Variants in SLCO3A1 observed in about 807,000 individuals in gnomAD.
The protein encoded by SLCO3A1 is PGE1 transporter.
SLCO3A1 carries 27 observed loss-of-function variants against 63.1 expected under a neutral mutation model. The observed-to-expected ratio is 0.43, with a 90% CI of 0.32 to 0.59. The LOEUF is 0.59. Among genes scored for constraint, SLCO3A1 ranks in the 20% least tolerant of loss-of-function variants. The probability of loss-of-function intolerance (pLI) is 0.09; values close to 1 mark genes in which losing one functional copy is unlikely to be tolerated. For synonymous variants in SLCO3A1, 473 were observed against 409.9 expected (o/e 1.15, Z -1.86); for missense variants, 773 against 945.8 (o/e 0.82, Z 2.40).
At chr15:92,134,957 A>G (rs776294225) in intron 7 of SLCO3A1, among the ~76,000 whole-genome samples, 7 of 151,354 alleles carry the variant, frequency 4.6e-5, no homozygotes, top group Non-Finnish European at 7.4e-5. Context: ...ATCTCTGAAA[A>G]GATGTAAAAA....
At chr15:92,078,099 G>C (rs1282303101) in intron 2 of SLCO3A1, among the ~76,000 whole-genome samples, 1 of 152,194 alleles carries the variant, frequency 6.6e-6, no homozygotes, top group Non-Finnish European at 1.5e-5. Flanking sequence ...CATTATTCAT[G>C]GCATCAACAG....
chr15:91,939,950 C>A (rs182473546), intron 2 of SLCO3A1, among the ~76,000 whole-genome samples: 6 of 152,170 alleles, frequency 3.9e-5, no homozygotes, highest in African/African-American at 1.4e-4. Flanking sequence ...GGTCACATAG[C>A]TAGAAAGTAG....
intron 1 of SLCO3A1, among the ~76,000 whole-genome samples, chr15:91,874,561 G>A (rs1487450086): frequency 6.6e-6 from 1 of 152,210 alleles, no homozygotes; most frequent in Non-Finnish European, 1.5e-5. Context: ...CAAGTTGGGG[G>A]CTGGGTCAGA....
At chr15:91,921,433 C>G (rs1365236736) in intron 2 of SLCO3A1, among the ~76,000 whole-genome samples, 2 of 151,886 alleles carry the variant, frequency 1.3e-5, no homozygotes, top group Non-Finnish European at 2.9e-5. Context: ...ATAACAGACA[C>G]CAAAGAGATT....
rs185417165 is a variant in SLCO3A1, at chr15:92,097,000, C to T, written c.745+2021C>T. 4.0e-3 allele frequency among the ~76,000 whole-genome samples: 607 copies of T among 152,228 alleles called. 4 individuals carry two copies. The highest frequency in any genetic ancestry group is 0.014 in the African/African-American group (563 of 41,536). On this transcript the variant is annotated intron_variant, in intron 3 of 9. Coordinates refer to ENST00000318445, the MANE Select transcript of SLCO3A1 (RefSeq NM_013272.4). Reference sequence around the variant, plus strand: ...CTCGTATAGACAGGCCAGCTTCCACCACTGCACCCAAGGCAGCACAAGACA... The same window carrying T: ...CTCGTATAGACAGGCCAGCTTCCACTACTGCACCCAAGGCAGCACAAGACA...
At chr15:92,067,025 T>C (rs1360671979) in intron 2 of SLCO3A1, among the ~76,000 whole-genome samples, 1 of 152,140 alleles carries the variant, frequency 6.6e-6, no homozygotes, top group East Asian at 1.9e-4. Flanking sequence ...TCTTCACACC[T>C]TGTATGTAAA....
At chr15:92,073,468 G>A (rs2047240297) in intron 2 of SLCO3A1, among the ~76,000 whole-genome samples, 1 of 152,166 alleles carries the variant, frequency 6.6e-6, no homozygotes, top group Non-Finnish European at 1.5e-5. Flanking sequence ...TAGGGTTCAG[G>A]TTTTCATCTT....
At chr15:92,061,422 C>T (rs769527267) in intron 2 of SLCO3A1, among the ~76,000 whole-genome samples, 1 of 152,196 alleles carries the variant, frequency 6.6e-6, no homozygotes, top group African/African-American at 2.4e-5. Flanking sequence ...GATCTTCTCT[C>T]CACTCCCCAC....
intron 2 of SLCO3A1, among the ~76,000 whole-genome samples, chr15:92,088,429 T>G (rs2047431883): frequency 6.6e-6 from 1 of 152,240 alleles, no homozygotes; most frequent in Non-Finnish European, 1.5e-5. Context: ...CATATTAGCA[T>G]TTATGAGATC....
chr15:92,167,740 A>G (rs977831303), downstream of SLCO3A1, among the ~76,000 whole-genome samples: 5 of 152,216 alleles, frequency 3.3e-5, no homozygotes, highest in Non-Finnish European at 5.9e-5. Context: ...GAATGCATGC[A>G]GCCACCCACG....
chr15:92,144,562 T>C (rs2048195235), intron 7 of SLCO3A1, among the ~76,000 whole-genome samples: 1 of 152,244 alleles, frequency 6.6e-6, no homozygotes, highest in East Asian at 1.9e-4. Flanking sequence ...CGGTAACTTC[T>C]GTTGTCAGAG....
At chr15:91,857,048 G>C (rs1325541464) in intron 1 of SLCO3A1, among the ~76,000 whole-genome samples, 2 of 150,290 alleles carry the variant, frequency 1.3e-5, no homozygotes, top group African/African-American at 4.9e-5. Context: ...GTGTGTGTGT[G>C]TGTGTGTGTG....
chr15:92,118,739 A>G (rs745984820), intron 4 of SLCO3A1, among the ~76,000 whole-genome samples: 7 of 152,152 alleles, frequency 4.6e-5, no homozygotes, highest in Non-Finnish European at 1.0e-4. Flanking sequence ...AGTTTTTCCT[A>G]GACGTGGTGT....
chr15:91,995,599 C>G (rs906323896), intron 2 of SLCO3A1, among the ~76,000 whole-genome samples: 5 of 151,974 alleles, frequency 3.3e-5, no homozygotes, highest in South Asian at 2.1e-4. Context: ...CTGCAGAAGT[C>G]CCTAGTGGGG....
intron 2 of SLCO3A1, among the ~76,000 whole-genome samples, chr15:92,040,239 A>G (rs2046781505): frequency 6.6e-6 from 1 of 152,200 alleles, no homozygotes; most frequent in Non-Finnish European, 1.5e-5. Flanking sequence ...GGGCGCATGC[A>G]ATTTGGCACC....
At chr15:91,913,686 C>G (rs1898559337) in intron 1 of SLCO3A1, among the ~76,000 whole-genome samples, 2 of 152,150 alleles carry the variant, frequency 1.3e-5, no homozygotes, top group Admixed American at 6.5e-5. Context: ...ATACACGTAT[C>G]TGGACACTGC....
intron 2 of SLCO3A1, among the ~76,000 whole-genome samples, chr15:91,949,971 C>G (rs914478242): frequency 2.0e-5 from 3 of 152,188 alleles, no homozygotes; most frequent in African/African-American, 7.2e-5. Flanking sequence ...GGTGCTACTG[C>G]ACTCCAGCCT....
At position 92,164,581 on chromosome 15, in the gene SLCO3A1, T is replaced by A. The variant is rs1238562061; in HGVS notation, c.*1446T>A. On this transcript the variant is annotated 3_prime_UTR_variant, in exon 10 of 10. Coordinates refer to ENST00000318445, the MANE Select transcript of SLCO3A1 (RefSeq NM_013272.4). ...TCCGGGGATAGGAAAGAAGAACAGT[T>A]CCCTAACACAAGCTGTTAAGAAGTC... 2.0e-6 allele frequency: 2 copies of A among 977,834 alleles called. No individual in the cohort carries two copies. Among genetic ancestry groups the A allele is most frequent in the Non-Finnish European group, 2.4e-6 (2 of 828,022 alleles). The allele number at this position is 977,834 out of a possible 1,614,324, so 60.6% of individuals were successfully genotyped here.
chr15:91,906,330 A>G (rs1898307231), intron 1 of SLCO3A1, among the ~76,000 whole-genome samples: 2 of 152,078 alleles, frequency 1.3e-5, no homozygotes, highest in Non-Finnish European at 2.9e-5. Flanking sequence ...GTAGAGAGAA[A>G]CTTTATTCAT....
Sources: gnomAD v4.1 joint callset for allele counts (sites outside exome capture counted in the v4.1 genomes callset) on GRCh38, gnomAD v4.1.1 for gene constraint, MANE v1.5 for transcripts, NCBI Gene and HGNC (gene_info 2026-07-23, HGNC 2026-07-21) for gene names.